The following AMOTL1 variants were observed in gnomAD, a reference collection of about 807,000 sequenced individuals.
The protein encoded by AMOTL1 is angiomotin-like protein 1.
In AMOTL1, 45 loss-of-function variants were observed where a neutral mutation model predicts 102.9. The observed-to-expected ratio is 0.44, with a 90% confidence interval of 0.34 to 0.56. The LOEUF (loss-of-function observed/expected upper bound fraction) is 0.56, where lower values mean the gene tolerates loss of function less well. Ranked by LOEUF, AMOTL1 falls within the 20% of genes least tolerant of loss-of-function variation. The probability of loss-of-function intolerance (pLI) is 0.01; values close to 1 mark genes in which losing one functional copy is unlikely to be tolerated. For synonymous variants in AMOTL1, 481 were observed against 484.7 expected, an observed-to-expected ratio of 0.99 and a Z score of 0.10; for missense variants, 1,114 against 1,225.6, an observed-to-expected ratio of 0.91 and a Z score of 1.36.
At chr11:94,822,908 T>C (rs1217827687) in intron 4 of AMOTL1, among the ~76,000 whole-genome samples, 1 of 152,070 alleles carries the variant, frequency 6.6e-6, no homozygotes, top group Non-Finnish European at 1.5e-5. Context: ...TGAGGAGGCA[T>C]GTGTAGTAGT....
intron 4 of AMOTL1, among the ~76,000 whole-genome samples, chr11:94,824,635 C>A (rs1014934987): frequency 6.6e-6 from 1 of 152,188 alleles, no homozygotes; most frequent in Non-Finnish European, 1.5e-5. Flanking sequence ...CCAGCCTTGC[C>A]ACTCAGTGTA....
intron 1 of AMOTL1, among the ~76,000 whole-genome samples, chr11:94,718,072 T>G (rs900813194): frequency 1.3e-5 from 2 of 152,026 alleles, no homozygotes; most frequent in African/African-American, 4.8e-5. Flanking sequence ...CTCTCAAGCT[T>G]GAAATCTCAC....
At chr11:94,834,156 C>A (rs1276375167) in intron 6 of AMOTL1, among the ~76,000 whole-genome samples, 1 of 152,144 alleles carries the variant, frequency 6.6e-6, no homozygotes, top group African/African-American at 2.4e-5. Flanking sequence ...TGTTCAGAAA[C>A]CCTATTGTTA....
chr11:94,848,401 G>A (rs1952464043), intron 6 of AMOTL1, among the ~76,000 whole-genome samples: 1 of 152,172 alleles, frequency 6.6e-6, no homozygotes, highest in Non-Finnish European at 1.5e-5. Flanking sequence ...GATCTTGGTG[G>A]CCTCATCTTG....
intron 1 of AMOTL1, among the ~76,000 whole-genome samples, chr11:94,788,755 G>T (rs1951235480): frequency 6.6e-6 from 1 of 152,182 alleles, no homozygotes; most frequent in Admixed American, 6.5e-5. Context: ...GGACTCAATT[G>T]TTACTTTAAA....
chr11:94,792,083 A>G (rs540538134), intron 1 of AMOTL1, among the ~76,000 whole-genome samples: 1 of 152,334 alleles, frequency 6.6e-6, no homozygotes, highest in South Asian at 2.1e-4. Context: ...AAGTCCATCA[A>G]TGATAGACTG....
chr11:94,729,886 T>A (rs1253153430), intron 2 of AMOTL1, among the ~76,000 whole-genome samples: 1 of 152,170 alleles, frequency 6.6e-6, no homozygotes, highest in African/African-American at 2.4e-5. Context: ...CAACAGACTA[T>A]ACTCTCTGAT....
At chr11:94,770,961 A>G (rs543801222) in intron 1 of AMOTL1, among the ~76,000 whole-genome samples, 3 of 152,288 alleles carry the variant, frequency 2.0e-5, no homozygotes, top group African/African-American at 7.2e-5. Flanking sequence ...AAGATGGCTG[A>G]ACTAATTGAA....
chr11:94,846,798 GTTAC>G (rs1240422136), intron 6 of AMOTL1, among the ~76,000 whole-genome samples: 6 of 152,260 alleles, frequency 3.9e-5, no homozygotes, highest in Admixed American at 3.9e-4. Context: ...CTGTGGGCAA[GTTAC>G]TTACCCTTTT....
chr11:94,866,074 A>G lies in AMOTL1; in HGVS notation c.2394A>G (p.Ala798=), dbSNP rs766225680. The G allele has an allele frequency of 2.5e-6, 4 of 1,614,022 alleles. No individual in the cohort carries two copies. The highest frequency in any genetic ancestry group is 3.4e-6 in the Non-Finnish European group (4 of 1,179,898). The change falls in exon 11 of 13, where the codon GCA becomes GCG. Residue 798 remains alanine (A), a synonymous_variant. Coordinates refer to ENST00000433060, the MANE Select transcript of AMOTL1 (RefSeq NM_130847.3). ...CTGCCCGCTCCGTTCCATCCATAGC[A>G]GCAGCTACTGGGACACACTCTCGCC... is the stretch of plus-strand genomic sequence containing the variant. ...LRPARSVPSI[A]AATGTHSRQT...
rs555710441 is a variant in AMOTL1, at chr11:94,728,988, A to G, written c.18A>G (p.Lys6=). 977 of 1,289,088 alleles carry G rather than the reference A, an allele frequency of 7.6e-4. 13 individuals are homozygous for G. In the South Asian group the frequency reaches 0.011, roughly 15 times the overall value. 79.9% of individuals were successfully genotyped at this position (1,289,088 alleles called of 1,614,324 possible). ...CTAGAAGCATGGACCTCAGTGAAAA[A>G]TGGACTTTGGAGGAAGGAGCCTGGT... The change falls in exon 2 of 5, where the codon AAA becomes AAG. Residue 6 remains lysine (K), a synonymous_variant. Coordinates refer to the AMOTL1 transcript ENST00000299004.
intron 1 of AMOTL1, among the ~76,000 whole-genome samples, chr11:94,793,103 A>G (rs989359271): frequency 2.6e-5 from 4 of 152,024 alleles, no homozygotes; most frequent in African/African-American, 9.7e-5. Flanking sequence ...TTTTAGTTGG[A>G]CCTCAGTTTT....
At chr11:94,777,724 C>G (rs1475420472) in intron 1 of AMOTL1, among the ~76,000 whole-genome samples, 2 of 152,132 alleles carry the variant, frequency 1.3e-5, no homozygotes. Context: ...TGAATATTTT[C>G]AATTTCTCTT....
At chr11:94,852,838 C>T (rs1337895213) in intron 7 of AMOTL1, among the ~76,000 whole-genome samples, 1 of 152,094 alleles carries the variant, frequency 6.6e-6, no homozygotes, top group Admixed American at 6.5e-5. Flanking sequence ...TATTTATGCA[C>T]ACATACATAA....
chr11:94,872,868 G>C lies in AMOTL1; in HGVS notation c.*2073G>C, dbSNP rs1267018683. On this transcript the variant is annotated 3_prime_UTR_variant, in exon 13 of 13. Transcript: ENST00000433060. ...TGGACATGGGTGGGGAGAGGGCATA[G>C]ACATCCCTTCCTAATCTCTGTTCCC... The C allele has an allele frequency of 1.3e-5, 2 of 152,254 alleles. No individual in the cohort carries two copies. The highest frequency in any genetic ancestry group is 4.8e-5 in the African/African-American group (2 of 41,454). 9.4% of individuals were successfully genotyped at this position (152,254 alleles called of 1,614,324 possible).
chr11:94,860,044 C>T (rs911579484), intron 9 of AMOTL1, among the ~76,000 whole-genome samples: 15 of 152,060 alleles, frequency 9.9e-5, no homozygotes, highest in Admixed American at 8.5e-4. Context: ...GCCTAGATTT[C>T]AACAAGAGGA....
At chr11:94,787,687 C>CAAAAAAAAAAAAAAA (rs59563004) in intron 1 of AMOTL1, among the ~76,000 whole-genome samples, 9 of 57,546 alleles carry the variant, frequency 1.6e-4, no homozygotes, top group African/African-American at 5.7e-4. Context: ...AACTCCGTCT[C>CAAAAAAAAAAAAAAA]AAAAAAAAAA....
At chr11:94,708,710 AAGG>A (rs1277820946) in intron 1 of AMOTL1, among the ~76,000 whole-genome samples, 1 of 152,190 alleles carries the variant, frequency 6.6e-6, no homozygotes, top group Admixed American at 6.5e-5. Flanking sequence ...GCATGGTAGG[AAGG>A]AGGAGTGGCA....
At chr11:94,790,385 G>T (rs1951262765) in intron 1 of AMOTL1, among the ~76,000 whole-genome samples, 2 of 152,164 alleles carry the variant, frequency 1.3e-5, no homozygotes, top group Non-Finnish European at 2.9e-5. Flanking sequence ...GTGTGCCTCA[G>T]ATCATAAGTG....
Sources: allele counts gnomAD v4.1 joint callset (sites outside exome capture counted in the v4.1 genomes callset), GRCh38; gene constraint gnomAD v4.1.1; transcripts MANE v1.5; gene names NCBI Gene and HGNC (gene_info 2026-07-23, HGNC 2026-07-21).